Variants in CTSZ observed in about 807,000 individuals in gnomAD.
The protein encoded by CTSZ is carboxypeptidase LB.
Under a neutral mutation model 32.4 loss-of-function variants are expected in CTSZ, and 39 were observed. The observed-to-expected ratio is 1.20, with a 90% CI of 0.93 to 1.57. The LOEUF is 1.57. Ranked by LOEUF, CTSZ falls within the 40% of genes most tolerant of loss-of-function variation. The pLI, the probability that CTSZ is intolerant of heterozygous loss-of-function variation, is 0.00. For synonymous variants in CTSZ, 168 were observed against 170.1 expected, an observed-to-expected ratio of 0.99 and a Z score of 0.10; for missense variants, 397 against 419.6, an observed-to-expected ratio of 0.95 and a Z score of 0.47.
At chr20:58,997,068 G>A (rs959849490) in intron 4 of CTSZ, among the ~76,000 whole-genome samples, 2 of 151,624 alleles carry the variant, frequency 1.3e-5, no homozygotes, top group Non-Finnish European at 2.9e-5. Flanking sequence ...GGGCTGAGGC[G>A]GGAGGATAGC....
At position 58,995,599 on chromosome 20, in the gene CTSZ, G is replaced by A; in HGVS notation, c.*50C>T. The A allele has an allele frequency of 6.5e-7, 1 of 1,548,222 alleles. No individual in the cohort carries two copies. Among genetic ancestry groups the A allele is most frequent in the Non-Finnish European group, 8.9e-7 (1 of 1,120,860 alleles). ...ACACATAACCATAGGATCCCCTCTG[G>A]TCATGGGTCACCATGCCTTTTCTTA... is the stretch of plus-strand genomic sequence containing the variant. On this transcript the variant is annotated 3_prime_UTR_variant, in exon 6 of 6. Transcript: ENST00000217131.
intron 3 of CTSZ, among the ~76,000 whole-genome samples, chr20:58,999,208 G>A (rs1246442917): frequency 6.6e-6 from 1 of 151,940 alleles, no homozygotes; most frequent in African/African-American, 2.4e-5. Flanking sequence ...GCTATTTTTT[G>A]TATTTTTAGT....
rs1266237785 is a variant in CTSZ at position 59,002,317 on chromosome 20, C to T, written c.308-673G>A. Among the ~76,000 whole-genome samples the T allele has an allele frequency of 7.2e-5, 11 of 152,288 alleles. No homozygotes were observed. In the East Asian group the frequency reaches 2.1e-3, roughly 29 times the overall value. ...AGGGACCTGCTTCCCTTCCCATGCACAAATGCAATAAAACAGATCCTAGAA... is the reference window on the plus strand; with the variant it reads ...AGGGACCTGCTTCCCTTCCCATGCATAAATGCAATAAAACAGATCCTAGAA... On this transcript the variant is annotated intron_variant, in intron 2 of 5. Transcript: ENST00000217131. The surrounding 1 kb of genome is among the most constrained non-coding windows in gnomAD (Gnocchi z 4.1).
chr20:58,999,993 C>T (rs1401791988), intron 3 of CTSZ, among the ~76,000 whole-genome samples: 4 of 151,208 alleles, frequency 2.6e-5, no homozygotes, highest in Admixed American at 6.6e-5. Context: ...GGCGTGAACC[C>T]GGGAGGCGGA....
chr20:58,998,324 T>C lies in CTSZ; in HGVS notation c.488-571A>G, dbSNP rs2146361656. Among the ~76,000 whole-genome samples the C allele has an allele frequency of 1.3e-5, 2 of 152,214 alleles. 1 individual carries two copies. Among genetic ancestry groups the C allele is most frequent in the South Asian group, 4.1e-4 (2 of 4,824 alleles). On this transcript the variant is annotated intron_variant, in intron 3 of 5. Transcript: ENST00000217131. Reference sequence around the variant, plus strand: ...GGGAGGCCGAGGTGGGTGGATCACCTGAGGTCAGGAGTTTGAGACCAGCCT... The same window carrying C: ...GGGAGGCCGAGGTGGGTGGATCACCCGAGGTCAGGAGTTTGAGACCAGCCT...
chr20:59,005,131 C>T (rs1012986237), intron 2 of CTSZ, among the ~76,000 whole-genome samples: 1 of 152,136 alleles, frequency 6.6e-6, no homozygotes, highest in South Asian at 2.1e-4. Context: ...CCACACCCTG[C>T]AGCCCGCCCA....
chr20:59,003,549 A>C (rs545776983), intron 2 of CTSZ, among the ~76,000 whole-genome samples: 1 of 152,358 alleles, frequency 6.6e-6, no homozygotes, highest in African/African-American at 2.4e-5. Context: ...TTGTCGGGAC[A>C]TGACCCCACA....
chr20:59,002,536 C>T lies in CTSZ; in HGVS notation c.308-892G>A, dbSNP rs2091893844. On this transcript the variant is annotated intron_variant, in intron 2 of 5. Transcript: ENST00000217131. This position sits in a 1 kb window ranked among gnomAD's most constrained non-coding sequence, Gnocchi z 4.1. ...GAGTCCCTCTGCCCATTGGCAGCCCCCTCTGGACCTGCACATCCCCTCCAT... is the reference window on the plus strand; with the variant it reads ...GAGTCCCTCTGCCCATTGGCAGCCCTCTCTGGACCTGCACATCCCCTCCAT... 6.6e-6 allele frequency among the ~76,000 whole-genome samples: 1 copy of T among 152,110 alleles called. No homozygotes were observed. The highest frequency in any genetic ancestry group is 6.5e-5 in the Admixed American group (1 of 15,278).
intron 2 of CTSZ, among the ~76,000 whole-genome samples, chr20:59,005,071 G>A (rs1423215374): frequency 1.3e-5 from 2 of 151,966 alleles, no homozygotes; most frequent in Non-Finnish European, 2.9e-5. Context: ...CGGGTGCCAG[G>A]CCTGGACACT....
At chr20:59,006,294 G>A in intron 2 of CTSZ, 28 bp downstream of exon 2, 2 of 1,570,800 alleles carry the variant, frequency 1.3e-6, no homozygotes, top group South Asian at 2.3e-5. Context: ...GGGCTTTCCT[G>A]GCCCACAGTC....
At position 58,999,554 on chromosome 20, in the gene CTSZ, G is replaced by A. The variant is rs2146362634; in HGVS notation, c.488-1801C>T. On this transcript the variant is annotated intron_variant, in intron 3 of 5. Transcript: ENST00000217131. ...TCGAAGGACTCACTCAGCCAGTCCA[G>A]GAGAATTTCTGGCTGAACAATAAGG... is the stretch of plus-strand genomic sequence containing the variant. Among the ~76,000 whole-genome samples the A allele has an allele frequency of 4.2e-5, 4 of 94,758 alleles. No homozygotes were observed. The Middle Eastern group carries it at 0.021, about 494-fold the overall frequency. The allele number at this position is 94,758 out of a possible 152,430, so 62.2% of individuals were successfully genotyped here. A position where few individuals can be genotyped will look rare whatever the true frequency, so the allele number is the denominator to read the frequency against.
At position 59,001,560 on chromosome 20, in the gene CTSZ, G is replaced by T; in HGVS notation, c.392C>A (p.Ser131Tyr). 6.2e-7 allele frequency: 1 copy of T among 1,614,208 alleles called. No homozygotes were observed. The highest frequency in any genetic ancestry group is 1.3e-5 in the African/African-American group (1 of 75,064). Residue 131 changes from serine to tyrosine, a missense_variant, in exon 3 of 6, where the codon TCC becomes TAC. Coordinates refer to ENST00000217131, the MANE Select transcript of CTSZ (RefSeq NM_001336.4). ...QNVIDCGNAG[S>Y]CEGGNDLSVW... is the part of the protein sequence containing the mutation. ...GGACAGGTCATTACCCCCTTCACAG[G>T]AGCCAGCGTTACCGCAGTCGATGAC...
In CTSZ at chr20:59,001,684, C is replaced by T. The variant is rs139108139; in HGVS notation, c.308-40G>A. On this transcript the variant is annotated intron_variant, in intron 2 of 5. Transcript: ENST00000217131. ...ACCTGCCAGTCAGCACTCACCCACTCTCCACCCACTTCCCCGAACGGACCT... is the reference window on the plus strand; with the variant it reads ...ACCTGCCAGTCAGCACTCACCCACTTTCCACCCACTTCCCCGAACGGACCT... 2.7e-3 allele frequency: 4,288 copies of T among 1,592,766 alleles called. 10 individuals are homozygous for T. The highest frequency in any genetic ancestry group is 3.3e-3 in the Non-Finnish European group (3,831 of 1,165,968).
intron 2 of CTSZ, among the ~76,000 whole-genome samples, chr20:59,003,975 C>T (rs576770597): frequency 3.3e-5 from 5 of 152,118 alleles, no homozygotes; most frequent in Non-Finnish European, 5.9e-5. Context: ...GGCAGTGGGG[C>T]GGTGTGGCTT....
Position 59,002,458 on chromosome 20 carries a change from C to T in CTSZ, c.308-814G>A, listed in dbSNP as rs1356620325. ...TCATCTCCTGACCCCACGTTCAAGT[C>T]GGAACTCTTCCTGCAGCCTCACCTG... is the stretch of plus-strand genomic sequence containing the variant. On this transcript the variant is annotated intron_variant, in intron 2 of 5. Coordinates refer to ENST00000217131, the MANE Select transcript of CTSZ (RefSeq NM_001336.4). This position sits in a 1 kb window ranked among gnomAD's most constrained non-coding sequence, Gnocchi z 4.1. Among the ~76,000 whole-genome samples, 1 of 152,124 alleles carries T rather than the reference C, an allele frequency of 6.6e-6. No homozygotes were observed. Among genetic ancestry groups the T allele is most frequent in the Non-Finnish European group, 1.5e-5 (1 of 68,006 alleles).
rs764984182 is a variant in CTSZ, at chr20:59,006,498, C to T, written c.144-13G>A. On this transcript the variant is annotated splice_polypyrimidine_tract_variant and intron_variant, in intron 1 of 5. Transcript: ENST00000217131. ...CCGGGGGTATGTGCTGAGAAGAGAT[C>T]ATCCCCACCCAGATCGGTGCTGGGG... is the stretch of plus-strand genomic sequence containing the variant. The T allele has an allele frequency of 1.2e-6, 2 of 1,603,824 alleles. No individual in the cohort carries two copies. The highest frequency in any genetic ancestry group is 3.3e-5 in the Admixed American group (2 of 59,798).
intron 1 of CTSZ, 62 bp downstream of exon 1, chr20:59,006,924 C>A: frequency 1.5e-6 from 2 of 1,311,622 alleles, no homozygotes; most frequent in Non-Finnish European, 2.0e-6. Context: ...AGGCAGAGCG[C>A]GCGCCTGGCC....
In CTSZ at chr20:58,996,813, C is replaced by G; in HGVS notation, c.639-12G>C. On this transcript the variant is annotated splice_polypyrimidine_tract_variant and intron_variant, in intron 4 of 5. Transcript: ENST00000217131. The stretch of plus-strand genomic sequence containing the variant: ...CCATTATTCCACAGCTGAGAGCAAG[C>G]AGTTAAAGAATTACCACTTTTAAAT... The G allele has an allele frequency of 6.2e-7, 1 of 1,612,764 alleles. No homozygotes were observed. Among genetic ancestry groups the G allele is most frequent in the Non-Finnish European group, 8.5e-7 (1 of 1,179,304 alleles).
In CTSZ at chr20:59,002,393, A is replaced by G. The variant is rs954950588; in HGVS notation, c.308-749T>C. ...CATCTCACTCTGCCCTCCCAGGACA[A>G]TGATTTCACAGCCACACACCCCTGC... On this transcript the variant is annotated intron_variant, in intron 2 of 5. Coordinates refer to ENST00000217131, the MANE Select transcript of CTSZ (RefSeq NM_001336.4). This position sits in a 1 kb window ranked among gnomAD's most constrained non-coding sequence, Gnocchi z 4.1. Among the ~76,000 whole-genome samples, 2 of 152,136 alleles carry G rather than the reference A, an allele frequency of 1.3e-5. No individual in the cohort carries two copies. The highest frequency in any genetic ancestry group is 2.1e-4 in the South Asian group (1 of 4,832).
Sources: gnomAD v4.1 joint callset for allele counts (sites outside exome capture counted in the v4.1 genomes callset) on GRCh38, gnomAD v4.1.1 for gene constraint, Gnocchi (gnomAD v3.1) non-coding constraint, MANE v1.5 for transcripts, NCBI Gene and HGNC (gene_info 2026-07-23, HGNC 2026-07-21) for gene names.